The following FBXL13 variants were observed in gnomAD, a reference collection of about 807,000 sequenced individuals.
FBXL13 encodes the protein F-box and leucine-rich repeat protein 13.
Under a neutral mutation model 83.6 loss-of-function variants are expected in FBXL13, and 67 were observed. That is an observed-to-expected ratio of 0.80 (90% CI 0.66 to 0.98). FBXL13 has a LOEUF of 0.98. Among genes scored for constraint, FBXL13 ranks in the 50% least tolerant of loss-of-function variants. FBXL13 has a pLI of 0.00. For missense variants in FBXL13, 822 were observed against 866.5 expected, an observed-to-expected ratio of 0.95 and a Z score of 0.64; for synonymous variants, 272 against 299.5, an observed-to-expected ratio of 0.91 and a Z score of 0.95.
intron 8 of FBXL13, among the ~76,000 whole-genome samples, chr7:102,946,182 C>T (rs1055994523): frequency 6.6e-6 from 1 of 152,172 alleles, no homozygotes; most frequent in Non-Finnish European, 1.5e-5. Context: ...CTCAGCCATG[C>T]ACTTTTAAAG....
At chr7:102,969,887 AAAAAGAAAAG>A (rs542764945) in intron 6 of FBXL13, among the ~76,000 whole-genome samples, 1 of 151,728 alleles carries the variant, frequency 6.6e-6, no homozygotes, top group Non-Finnish European at 1.5e-5. Flanking sequence ...AAAGAAAAGA[AAAAAGAAAAG>A]AAAAGAAAAG....
chr7:102,847,282 A>C (rs1804169780), intron 17 of FBXL13, among the ~76,000 whole-genome samples: 1 of 152,126 alleles, frequency 6.6e-6, no homozygotes, highest in Non-Finnish European at 1.5e-5. Flanking sequence ...CTGTAGGGGA[A>C]TGAATTGTTG....
At chr7:102,911,856 A>T (rs1814740351) in intron 11 of FBXL13, among the ~76,000 whole-genome samples, 1 of 152,230 alleles carries the variant, frequency 6.6e-6, no homozygotes, top group Non-Finnish European at 1.5e-5. Flanking sequence ...ACACATCAGC[A>T]GATCAGTTTT....
At chr7:103,033,628 G>C (rs1457634461) in intron 2 of FBXL13, among the ~76,000 whole-genome samples, 1 of 152,102 alleles carries the variant, frequency 6.6e-6, no homozygotes, top group Non-Finnish European at 1.5e-5. Flanking sequence ...CCTCCTGGTG[G>C]GTTTGTGGTC....
chr7:103,042,182 GACAA>G (rs892552012), intron 2 of FBXL13, among the ~76,000 whole-genome samples: 42 of 152,172 alleles, frequency 2.8e-4, no homozygotes, highest in Middle Eastern at 3.4e-3. Flanking sequence ...ACCAATAATA[GACAA>G]ACAGAGAGCC....
intron 17 of FBXL13, among the ~76,000 whole-genome samples, chr7:102,849,195 T>A (rs1331970115): frequency 6.6e-6 from 1 of 152,240 alleles, no homozygotes; most frequent in African/African-American, 2.4e-5. Context: ...AATGCTCAGT[T>A]ACAGCTGCAT....
intron 8 of FBXL13, chr7:102,934,837 T>C (rs1326083068): frequency 1.3e-6 from 1 of 746,272 alleles, no homozygotes; most frequent in Non-Finnish European, 2.1e-6. Context: ...TACCACAAGT[T>C]TTTCTGGGGT....
chr7:102,976,338 A>G, intron 6 of FBXL13: 1 of 615,854 alleles, frequency 1.6e-6, no homozygotes, highest in Non-Finnish European at 2.9e-6. Context: ...AAATTGATGA[A>G]CAAGCCTCCA....
intron 6 of FBXL13, 144 bp from the exon 8 acceptor site, chr7:102,968,261 T>G: frequency 5.4e-5 from 29 of 538,450 alleles, no homozygotes; most frequent in Non-Finnish European, 5.3e-5. Flanking sequence ...ACTTTGCAAA[T>G]AGCAAGAGTT....
intron 5 of FBXL13, among the ~76,000 whole-genome samples, chr7:103,026,743 G>C (rs2129488365): frequency 6.6e-6 from 1 of 152,138 alleles, no homozygotes; most frequent in East Asian, 1.9e-4. Flanking sequence ...CCAAATTTAG[G>C]TGAGTAGAGG....
intron 11 of FBXL13, among the ~76,000 whole-genome samples, chr7:102,912,804 C>A (rs1815004965): frequency 6.6e-6 from 1 of 151,508 alleles, no homozygotes. Flanking sequence ...GACTTGGACT[C>A]TGCTTTAGAC....
chr7:103,070,276 G>A (rs1174133403), intron 1 of FBXL13, among the ~76,000 whole-genome samples: 1 of 151,942 alleles, frequency 6.6e-6, no homozygotes, highest in Non-Finnish European at 1.5e-5. Context: ...CCATCACCCA[G>A]GCTGGAGTGT....
chr7:102,967,878 G>A (rs914713376), intron 7 of FBXL13, 144 bp downstream of exon 8: 8 of 528,086 alleles, frequency 1.5e-5, no homozygotes, highest in Admixed American at 1.3e-4. Context: ...CCAGGCTTGT[G>A]CCTGGACAAA....
chr7:102,893,872 GAAGA>G (rs1178991472), intron 11 of FBXL13, among the ~76,000 whole-genome samples: 2 of 147,412 alleles, frequency 1.4e-5, no homozygotes, highest in Admixed American at 6.8e-5. Context: ...AGGCGGAGAG[GAAGA>G]AAGAAAAAGA....
exon 1 of FBXL13, chr7:103,074,310 C>G (rs1174911947): frequency 9.8e-7 from 1 of 1,017,428 alleles, no homozygotes; most frequent in Non-Finnish European, 1.2e-6. Flanking sequence ...TGACAACATT[C>G]TTCATAATGC....
At chr7:102,918,083 G>A (rs975771241) in intron 10 of FBXL13, among the ~76,000 whole-genome samples, 2 of 152,150 alleles carry the variant, frequency 1.3e-5, no homozygotes, top group Non-Finnish European at 2.9e-5. Context: ...TAAAAGCAAT[G>A]AAGAGAGAAT....
chr7:102,883,699 A>G lies in FBXL13; in HGVS notation c.1108-14T>C. 1.3e-6 allele frequency: 2 copies of G among 1,483,280 alleles called. No individual in the cohort carries two copies. The highest frequency in any genetic ancestry group is 1.9e-6 in the Non-Finnish European group (2 of 1,066,200). 91.9% of individuals were successfully genotyped at this position (1,483,280 alleles called of 1,614,324 possible). ...TTCAACTAAAGCCTTTAGAAGAAAAAAATGATTAAATTAATCAAGTGTACA... is the reference window on the plus strand; with the variant it reads ...TTCAACTAAAGCCTTTAGAAGAAAAGAATGATTAAATTAATCAAGTGTACA... On this transcript the variant is annotated splice_polypyrimidine_tract_variant and intron_variant, in intron 12 of 19. Transcript: ENST00000313221.
chr7:102,842,488 A>T (rs902045621), intron 17 of FBXL13, among the ~76,000 whole-genome samples: 5 of 152,248 alleles, frequency 3.3e-5, no homozygotes, highest in African/African-American at 4.8e-5. Flanking sequence ...CTATCAACTG[A>T]TGAGAATGAT....
chr7:102,856,147 G>T (rs2215040), intron 16 of FBXL13, among the ~76,000 whole-genome samples: 54,838 of 152,026 alleles, frequency 0.36, 11,734 homozygotes, highest in African/African-American at 0.6. Flanking sequence ...CTTTCAATTT[G>T]ATTGTTGACT....
Sources: allele counts gnomAD v4.1 joint callset (sites outside exome capture counted in the v4.1 genomes callset), GRCh38; gene constraint gnomAD v4.1.1; transcripts MANE v1.5; gene names NCBI Gene and HGNC (gene_info 2026-07-23, HGNC 2026-07-21).